The following EPRS1 variants were observed in gnomAD, a reference collection of about 807,000 sequenced individuals.
The protein encoded by EPRS1 is glutamyl-prolyl-tRNA synthetase 1.
In EPRS1, 107 loss-of-function variants were observed where a neutral mutation model predicts 188.3. The ratio of observed to expected loss-of-function variants is 0.57; its 90% CI spans 0.49 to 0.67. EPRS1 has a LOEUF of 0.67. EPRS1 is among the 30% of genes least tolerant of loss of function. EPRS1 has a pLI of 0.00. For synonymous variants in EPRS1, 596 were observed against 593.1 expected (o/e 1.00, Z -0.07); for missense variants, 1,577 against 1,802.2 (o/e 0.88, Z 2.26).
intron 18 of EPRS1, among the ~76,000 whole-genome samples, chr1:219,992,975 C>T (rs1661153503): frequency 6.6e-6 from 1 of 151,782 alleles, no homozygotes; most frequent in African/African-American, 2.4e-5. Context: ...CAGCTCACAT[C>T]AGTAATCCCA....
At chr1:219,969,935 C>G (rs547032972) in intron 30 of EPRS1, among the ~76,000 whole-genome samples, 1 of 152,214 alleles carries the variant, frequency 6.6e-6, no homozygotes, top group South Asian at 2.1e-4. Context: ...ATTCTCGTGC[C>G]CCAGCCTCCT....
At chr1:219,974,453 A>C (rs1402204032) in intron 28 of EPRS1, among the ~76,000 whole-genome samples, 7 of 152,210 alleles carry the variant, frequency 4.6e-5, no homozygotes, top group Non-Finnish European at 1.0e-4. Flanking sequence ...GAAAAACCAC[A>C]TTTTTAGGGC....
chr1:220,004,877 G>C (rs527754815), intron 16 of EPRS1, among the ~76,000 whole-genome samples: 1 of 151,554 alleles, frequency 6.6e-6, no homozygotes, highest in Non-Finnish European at 1.5e-5. Context: ...CCCTCTAAAT[G>C]TATGCTGTTT....
At chr1:219,980,286 A>T (rs1335894751) in intron 25 of EPRS1, 46 bp from the exon 26 acceptor site, 5 of 1,458,372 alleles carry the variant, frequency 3.4e-6, no homozygotes, top group East Asian at 2.3e-5. Flanking sequence ...GGGTACATTT[A>T]TTCATTAAGA....
chr1:219,984,938 G>A (rs1192229232), intron 20 of EPRS1, among the ~76,000 whole-genome samples: 1 of 152,012 alleles, frequency 6.6e-6, no homozygotes, highest in Non-Finnish European at 1.5e-5. Context: ...TACTCGGGAG[G>A]CTGAGGCAGG....
rs556349736 is a variant in EPRS1, at chr1:219,984,378, T to C, written c.3039-121A>G. ...TTCTTCAGTATGAGTTATTTCTGTA[T>C]TTGTAACTCTTCTATATTCATTCCC... On this transcript the variant is annotated intron_variant, in intron 20 of 31. Coordinates refer to ENST00000366923, the MANE Select transcript of EPRS1 (RefSeq NM_004446.3). 4 of 712,734 alleles carry C rather than the reference T, an allele frequency of 5.6e-6. No individual in the cohort carries two copies. In the African/African-American group the frequency reaches 7.2e-5, roughly 13 times the overall value. 44.2% of individuals were successfully genotyped at this position (712,734 alleles called of 1,614,324 possible).
intron 28 of EPRS1, among the ~76,000 whole-genome samples, chr1:219,975,523 G>A (rs1287694994): frequency 6.6e-6 from 1 of 152,104 alleles, no homozygotes; most frequent in Non-Finnish European, 1.5e-5. Flanking sequence ...TGCAACCTCC[G>A]CCTCCCAGGT....
At chr1:220,000,825 A>G (rs1661336038) in intron 17 of EPRS1, among the ~76,000 whole-genome samples, 2 of 152,180 alleles carry the variant, frequency 1.3e-5, no homozygotes, top group Non-Finnish European at 2.9e-5. Context: ...TACTAAAAAT[A>G]CAAAAATTAG....
chr1:220,008,060 T>C (rs992069762), intron 13 of EPRS1, among the ~76,000 whole-genome samples: 3 of 149,516 alleles, frequency 2.0e-5, no homozygotes, highest in East Asian at 3.9e-4. Context: ...TGAGCCGAGA[T>C]TGCATCACGG....
At chr1:219,969,607 T>C (rs1193477841) in intron 30 of EPRS1, among the ~76,000 whole-genome samples, 1 of 150,724 alleles carries the variant, frequency 6.6e-6, no homozygotes, top group Non-Finnish European at 1.5e-5. Context: ...ACATGTTATA[T>C]AGGTAAGTGG....
At chr1:220,024,975 C>T in intron 7 of EPRS1, 157 bp downstream of exon 7, 1 of 695,132 alleles carries the variant, frequency 1.4e-6, no homozygotes, top group Non-Finnish European at 2.5e-6. Flanking sequence ...TATGGGAGCT[C>T]GACATTTCTT....
At chr1:220,046,263 C>T in intron 1 of EPRS1, 80 bp downstream of exon 1, 1 of 1,560,452 alleles carries the variant, frequency 6.4e-7, no homozygotes, top group Non-Finnish European at 8.8e-7. Flanking sequence ...CTGCGCAAAG[C>T]CGGGGCGCAG....
At chr1:219,999,407 AT>A (rs1301841333) in intron 17 of EPRS1, among the ~76,000 whole-genome samples, 4 of 151,940 alleles carry the variant, frequency 2.6e-5, no homozygotes, top group Non-Finnish European at 5.9e-5. Context: ...CCTTTCCTGA[AT>A]CTGAGAAAGC....
intron 15 of EPRS1, among the ~76,000 whole-genome samples, chr1:220,005,816 C>CTT (rs1558052562): frequency 8.1e-6 from 1 of 122,824 alleles, no homozygotes; most frequent in African/African-American, 3.5e-5. Context: ...TTACTTACAT[C>CTT]GTTTTTTTTT....
At chr1:219,972,231 G>A in intron 29 of EPRS1, 84 bp from the exon 30 acceptor site, 1 of 856,060 alleles carries the variant, frequency 1.2e-6, no homozygotes, top group South Asian at 1.8e-5. Context: ...ACAATTTAAT[G>A]AAAAGACAAC....
In EPRS1 at chr1:219,982,240, T is replaced by C. The variant is rs568815914; in HGVS notation, c.3373+532A>G. Among the ~76,000 whole-genome samples, 303 of 152,304 alleles carry C rather than the reference T, an allele frequency of 2.0e-3. 4 individuals carry two copies. The highest frequency in any genetic ancestry group is 7.1e-3 in the African/African-American group (293 of 41,558). ...TTTCCAACAGCATTTCCATTTACCA[T>C]ACGTAATTTCAGAAAAATCATTTAA... On this transcript the variant is annotated intron_variant, in intron 23 of 31. Transcript: ENST00000366923.
At chr1:219,982,924 CTGTTT>C in intron 22 of EPRS1, 80 bp from the exon 23 acceptor site, 1 of 1,301,690 alleles carries the variant, frequency 7.7e-7, no homozygotes, top group Non-Finnish European at 1.1e-6. Flanking sequence ...CAAATTTCCT[CTGTTT>C]TAATTTTTGC....
At chr1:220,026,389 T>C (rs912279328) in intron 6 of EPRS1, among the ~76,000 whole-genome samples, 5 of 152,012 alleles carry the variant, frequency 3.3e-5, no homozygotes, top group African/African-American at 1.2e-4. Context: ...TAAAAGAAAA[T>C]ATGTTACACC....
chr1:219,971,826 ACATATAT>A (rs1660673463), intron 30 of EPRS1, among the ~76,000 whole-genome samples: 1 of 148,054 alleles, frequency 6.8e-6, no homozygotes, highest in South Asian at 2.1e-4. Flanking sequence ...TTTATATATG[ACATATAT>A]AAATATAAAA....
Sources: gnomAD v4.1 joint callset for allele counts (sites outside exome capture counted in the v4.1 genomes callset) on GRCh38, gnomAD v4.1.1 for gene constraint, MANE v1.5 for transcripts, NCBI Gene and HGNC (gene_info 2026-07-23, HGNC 2026-07-21) for gene names.